DNAH14: variants seen among roughly 807,000 people sequenced by gnomAD.
DNAH14 encodes axonemal beta dynein heavy chain 14.
A neutral mutation model predicts 520.9 loss-of-function variants in DNAH14; 478 were observed. The observed-to-expected ratio is 0.92, with a 90% CI of 0.85 to 0.99. The LOEUF is 0.99. Ranked by LOEUF, DNAH14 falls within the 50% of genes least tolerant of loss-of-function variation. DNAH14 has a pLI of 0.00. For synonymous variants in DNAH14, 1,581 were observed against 1,757.2 expected, an observed-to-expected ratio of 0.90 and a Z score of 2.51; for missense variants, 4,831 against 5,234.5, an observed-to-expected ratio of 0.92 and a Z score of 2.38.
At chr1:225,241,282 G>A (rs1212005253) in intron 43 of DNAH14, among the ~76,000 whole-genome samples, 2 of 152,138 alleles carry the variant, frequency 1.3e-5, no homozygotes, top group Non-Finnish European at 2.9e-5. Flanking sequence ...CTTTGAAACA[G>A]TAAACATTTG....
chr1:225,335,394 CA>C lies in DNAH14; in HGVS notation c.10081-1871del, dbSNP rs2094939176. Among the ~76,000 whole-genome samples, 3 of 76,204 alleles carry C rather than the reference CA, an allele frequency of 3.9e-5. 1 individual carries two copies. Among genetic ancestry groups the C allele is most frequent in the Admixed American group, 2.8e-4 (2 of 7,206 alleles). 50.0% of individuals were successfully genotyped at this position (76,204 alleles called of 152,430 possible). A position where few individuals can be genotyped will look rare whatever the true frequency, so the allele number is the denominator to read the frequency against. ...ATGTGTGTGTATATGCACATATACA[CA>C]TGTGTACATGTGTGTGTATGCACAT... On this transcript the variant is annotated intron_variant, in intron 66 of 85. Transcript: ENST00000682510.
intron 54 of DNAH14, among the ~76,000 whole-genome samples, chr1:225,288,781 G>A (rs1430750537): frequency 2.6e-5 from 4 of 152,122 alleles, no homozygotes; most frequent in Non-Finnish European, 5.9e-5. Flanking sequence ...ACACCCACTT[G>A]AATGGCTATA....
rs762830483 is a variant in DNAH14, at chr1:225,301,021, C to CTT, written c.8624_8625dup (p.Gln2876PhefsTer13). 1 of 1,547,702 alleles carries CTT rather than the reference C, an allele frequency of 6.5e-7. No homozygotes were observed. The highest frequency in any genetic ancestry group is 1.4e-5 in the African/African-American group (1 of 72,900). ...ATAATAGGCAATCTTTACTTTCATT[C>CTT]TTTCAAAAGGTACTTTTTTGTGACT... On this transcript the variant is annotated frameshift_variant, in exon 56 of 86. Coordinates refer to ENST00000682510, the MANE Select transcript of DNAH14 (RefSeq NM_001367479.1). LOFTEE classifies it high-confidence loss of function.
Position 225,068,843 on chromosome 1 carries a change from G to GCCAAGACAGTGGAGTTTTCTAAATAT in DNAH14, c.2425-10364_2425-10363insCCAAGACAGTGGAGTTTTCTAAATAT, listed in dbSNP as rs1572845783. Reference sequence around the variant, plus strand: ...AATTATCAGCTTAAGAAGCTTTTGGGAGGCCGAGGCGGGCGGATCACGAGG... The same window carrying GCCAAGACAGTGGAGTTTTCTAAATAT: ...AATTATCAGCTTAAGAAGCTTTTGGGCCAAGACAGTGGAGTTTTCTAAATATAGGCCGAGGCGGGCGGATCACGAGG... On this transcript the variant is annotated intron_variant, in intron 17 of 85. Coordinates refer to ENST00000682510, the MANE Select transcript of DNAH14 (RefSeq NM_001367479.1). Among the ~76,000 whole-genome samples, 8 of 36,594 alleles carry GCCAAGACAGTGGAGTTTTCTAAATAT rather than the reference G, an allele frequency of 2.2e-4. 1 individual carries two copies. The highest frequency in any genetic ancestry group is 6.7e-4 in the South Asian group (1 of 1,502). 24.0% of individuals were successfully genotyped at this position (36,594 alleles called of 152,430 possible).
At chr1:225,023,181 A>T (rs898042106) in intron 10 of DNAH14, among the ~76,000 whole-genome samples, 1 of 152,130 alleles carries the variant, frequency 6.6e-6, no homozygotes, top group African/African-American at 2.4e-5. Flanking sequence ...ATACCCCAAG[A>T]CTCAGCAATA....
intron 1 of DNAH14, among the ~76,000 whole-genome samples, chr1:224,943,859 G>C (rs569362620): frequency 2.0e-5 from 3 of 152,024 alleles, no homozygotes; most frequent in Admixed American, 2.0e-4. Context: ...GGTCTGAGAG[G>C]TGGTTTGTTA....
chr1:225,088,527 G>A (rs974413766), intron 21 of DNAH14, among the ~76,000 whole-genome samples: 6 of 152,106 alleles, frequency 3.9e-5, no homozygotes, highest in Non-Finnish European at 7.4e-5. Flanking sequence ...AGTGAGCTGT[G>A]GGAAAGCTTC....
intron 27 of DNAH14, among the ~76,000 whole-genome samples, chr1:225,135,893 C>G (rs1373041999): frequency 1.3e-5 from 2 of 151,990 alleles, no homozygotes; most frequent in Non-Finnish European, 2.9e-5. Context: ...GAATTGAACC[C>G]CTCACCATTA....
At chr1:225,272,168 G>A in intron 51 of DNAH14, 95 bp downstream of exon 51, 1 of 1,240,846 alleles carries the variant, frequency 8.1e-7, no homozygotes, top group Non-Finnish European at 1.1e-6. Context: ...GGAAAAAAGG[G>A]AAATGAATGT....
At chr1:225,059,082 G>A (rs1330177532) in intron 17 of DNAH14, among the ~76,000 whole-genome samples, 3 of 152,202 alleles carry the variant, frequency 2.0e-5, no homozygotes, top group Non-Finnish European at 4.4e-5. Flanking sequence ...GGATATCCTT[G>A]TTAACTTTCT....
chr1:225,031,217 T>A (rs1052295350), intron 11 of DNAH14, among the ~76,000 whole-genome samples: 1 of 152,134 alleles, frequency 6.6e-6, no homozygotes, highest in Non-Finnish European at 1.5e-5. Context: ...ATTGACCTTG[T>A]ATCTGTAACC....
Position 225,085,757 on chromosome 1 carries a change from A to C in DNAH14, c.3541A>C (p.Ile1181Leu), listed in dbSNP as rs1272134867. The C allele has an allele frequency of 1.4e-5, 22 of 1,550,858 alleles. No individual in the cohort carries two copies. The highest frequency in any genetic ancestry group is 3.3e-4 in the Middle Eastern group (2 of 6,004). ...LEESQVILAT[I>L]KGSPHIGPIK... ...AGAGTCTCAAGTCATACTTGCAACA[A>C]TTAAAGGATCTCCCCACATTGGGCC... The change falls in exon 21 of 86, where the codon ATT (isoleucine) becomes CTT (leucine). Residue 1181 changes from isoleucine to leucine, a missense_variant. Physicochemically the swap from Ile to Leu is conservative, Grantham distance 5. Coordinates refer to ENST00000682510, the MANE Select transcript of DNAH14 (RefSeq NM_001367479.1).
At chr1:224,953,506 C>A (rs2060314775) in intron 2 of DNAH14, among the ~76,000 whole-genome samples, 1 of 152,042 alleles carries the variant, frequency 6.6e-6, no homozygotes, top group Non-Finnish European at 1.5e-5. Flanking sequence ...TAAAACACTC[C>A]TTAAAAAGAA....
intron 23 of DNAH14, among the ~76,000 whole-genome samples, chr1:225,102,445 A>C (rs1458165245): frequency 1.3e-5 from 2 of 152,192 alleles, no homozygotes; most frequent in East Asian, 3.9e-4. Context: ...TTCTAGTTCT[A>C]GATCCCTGAG....
intron 71 of DNAH14, among the ~76,000 whole-genome samples, chr1:225,347,476 G>A (rs959611224): frequency 9.2e-5 from 14 of 152,168 alleles, no homozygotes; most frequent in Admixed American, 1.3e-4. Flanking sequence ...CCCTCGGATA[G>A]AAACAAAAGA....
intron 42 of DNAH14, 45 bp from the exon 43 acceptor site, chr1:225,240,548 T>C (rs777336868): frequency 1.7e-6 from 2 of 1,192,858 alleles, no homozygotes; most frequent in South Asian, 3.1e-5. Context: ...TTAAACTGCT[T>C]TCTAAAAATG....
chr1:225,206,053 T>G lies in DNAH14; in HGVS notation c.6060T>G (p.Thr2020=), dbSNP rs992797718. 1 of 1,551,670 alleles carries G rather than the reference T, an allele frequency of 6.4e-7. No homozygotes were observed. Among genetic ancestry groups the G allele is most frequent in the East Asian group, 2.4e-5 (1 of 40,906 alleles). The change falls in exon 40 of 86, where the codon ACT becomes ACG. Residue 2020 remains threonine (T), a synonymous_variant. Transcript: ENST00000682510. ...VENLNSVLDD[T]RTLCLANSER... ...ATCTGAACTCTGTGCTAGATGATAC[T>G]AGAACATTGTGCCTAGCAAACAGTG...
intron 11 of DNAH14, among the ~76,000 whole-genome samples, chr1:225,026,074 C>T (rs1209617778): frequency 6.6e-6 from 1 of 151,972 alleles, no homozygotes; most frequent in Non-Finnish European, 1.5e-5. Context: ...AAGCGATACT[C>T]TCACCTCAGC....
At chr1:225,172,679 C>T (rs1162348880) in intron 36 of DNAH14, among the ~76,000 whole-genome samples, 5 of 152,174 alleles carry the variant, frequency 3.3e-5, no homozygotes. Context: ...GTGCAAATGG[C>T]CATACTGCCC....
Sources: allele counts gnomAD v4.1 joint callset (sites outside exome capture counted in the v4.1 genomes callset), GRCh38; gene constraint gnomAD v4.1.1; transcripts MANE v1.5; gene names NCBI Gene and HGNC (gene_info 2026-07-23, HGNC 2026-07-21).